USO1: variants seen among roughly 807,000 people sequenced by gnomAD.
The protein encoded by USO1 is USO1 vesicle transport factor, also known as general vesicular transport factor p115.
Under a neutral mutation model 124.5 loss-of-function variants are expected in USO1, and 57 were observed. That is an observed-to-expected ratio of 0.46 (90% confidence interval 0.37 to 0.57). USO1 has a LOEUF of 0.57. Ranked by LOEUF, USO1 falls within the 20% of genes least tolerant of loss-of-function variation. The pLI is 0.00. For synonymous variants in USO1, 369 were observed against 362.8 expected, an observed-to-expected ratio of 1.02 and a Z score of -0.19; for missense variants, 900 against 1,040.6, an observed-to-expected ratio of 0.86 and a Z score of 1.86.
chr4:75,747,366 C>T (rs543550215), intron 1 of USO1, among the ~76,000 whole-genome samples: 4 of 152,248 alleles, frequency 2.6e-5, no homozygotes, highest in Admixed American at 6.5e-5. Context: ...ACTGTAGCCT[C>T]GGACTGCTCA....
At chr4:75,786,971 C>A in intron 9 of USO1, 91 bp from the exon 10 acceptor site, 2 of 1,389,732 alleles carry the variant, frequency 1.4e-6, no homozygotes, top group Non-Finnish European at 1.9e-6. Flanking sequence ...GGGAGTACTT[C>A]ATGCAGACTT....
chr4:75,741,691 G>A (rs1211190994), intron 1 of USO1, among the ~76,000 whole-genome samples: 6 of 131,664 alleles, frequency 4.6e-5, no homozygotes, highest in East Asian at 5.0e-4. Context: ...TGCAACCTCC[G>A]CCTCCCAAGC....
rs139522207 is a variant in USO1, at chr4:75,733,359, C to G, written c.66+8474C>G. Among the ~76,000 whole-genome samples, 133 of 152,284 alleles carry G rather than the reference C, an allele frequency of 8.7e-4. 1 individual carries two copies. The highest frequency in any genetic ancestry group is 3.0e-3 in the African/African-American group (126 of 41,556). The stretch of plus-strand genomic sequence containing the variant: ...GAGACTGCTGGGTCGAATGGTAGTT[C>G]TGTTTTAAGTTCTTTGAGAGATATC... On this transcript the variant is annotated intron_variant, in intron 1 of 23. Transcript: ENST00000514213.
chr4:75,807,264 T>C (rs1723023156), intron 20 of USO1, among the ~76,000 whole-genome samples: 1 of 152,150 alleles, frequency 6.6e-6, no homozygotes, highest in African/African-American at 2.4e-5. Context: ...CTCTAGAGTA[T>C]ATTATCCCTA....
chr4:75,730,345 C>A lies in USO1; in HGVS notation c.66+5460C>A, dbSNP rs574069562. 6.2e-3 allele frequency among the ~76,000 whole-genome samples: 938 copies of A among 152,192 alleles called. 5 individuals carry two copies. Among genetic ancestry groups the A allele is most frequent in the South Asian group, 0.014 (67 of 4,826 alleles). On this transcript the variant is annotated intron_variant, in intron 1 of 23. Transcript: ENST00000514213. ...GCAACGACCACTAACAAAGAAAAAA[C>A]CTCTAGTATTTATGCAAGGTTTTGT...
intron 9 of USO1, among the ~76,000 whole-genome samples, chr4:75,783,526 A>G (rs554394326): frequency 4.6e-5 from 7 of 152,254 alleles, no homozygotes; most frequent in East Asian, 1.9e-4. Flanking sequence ...TCCTTCTCCA[A>G]ACTGTTAAGT....
At chr4:75,805,443 AC>A (rs1722968174) in intron 19 of USO1, 140 bp downstream of exon 19, 2 of 1,261,628 alleles carry the variant, frequency 1.6e-6, no homozygotes, top group African/African-American at 1.5e-5. Context: ...ACAGTGGCTT[AC>A]GCCTGTAATC....
chr4:75,789,812 G>A (rs1722475876), intron 10 of USO1, among the ~76,000 whole-genome samples: 1 of 151,358 alleles, frequency 6.6e-6, no homozygotes. Context: ...ATCTCATAGA[G>A]AATAGTATAG....
At chr4:75,777,631 C>T (rs1023608551) in intron 8 of USO1, among the ~76,000 whole-genome samples, 1 of 152,080 alleles carries the variant, frequency 6.6e-6, no homozygotes, top group African/African-American at 2.4e-5. Flanking sequence ...CAAATTAAAA[C>T]AATGAGATAT....
chr4:75,802,791 G>A (rs112693442), intron 17 of USO1, among the ~76,000 whole-genome samples: 13,131 of 127,486 alleles, frequency 0.1, 781 homozygotes, highest in Middle Eastern at 0.23. Flanking sequence ...TGCCCAGGCT[G>A]GAGTGCAGTG....
chr4:75,771,989 C>T (rs1721946272), intron 7 of USO1, among the ~76,000 whole-genome samples: 1 of 152,100 alleles, frequency 6.6e-6, no homozygotes, highest in South Asian at 2.1e-4. Flanking sequence ...TCTTTGTTAG[C>T]CATGTCTTAC....
intron 8 of USO1, 140 bp downstream of exon 8, chr4:75,774,936 C>G: frequency 7.8e-6 from 10 of 1,277,734 alleles, no homozygotes; most frequent in Non-Finnish European, 8.2e-6. Context: ...TGTTGACTAT[C>G]GATTTCTCTT....
chr4:75,739,809 CTGGGATTACAGGCGTGA>C, intron 1 of USO1, among the ~76,000 whole-genome samples: 1 of 152,172 alleles, frequency 6.6e-6, no homozygotes, highest in African/African-American at 2.4e-5. Flanking sequence ...TCCCAAAGTG[CTGGGATTACAGGCGTGA>C]GCCACCACAC....
chr4:75,804,975 A>G (rs1722952111), intron 18 of USO1, 165 bp from the exon 19 acceptor site: 3 of 810,912 alleles, frequency 3.7e-6, no homozygotes, highest in South Asian at 7.9e-5. Flanking sequence ...AAATACTATC[A>G]GTTCACTATT....
At chr4:75,725,054 C>T in intron 1 of USO1, 169 bp downstream of exon 1, 1 of 733,578 alleles carries the variant, frequency 1.4e-6, no homozygotes, top group African/African-American at 1.8e-5. Flanking sequence ...GTTATTCAAT[C>T]ACGCCCCCAG....
At chr4:75,779,221 G>A (rs1282547518) in intron 8 of USO1, among the ~76,000 whole-genome samples, 1 of 151,706 alleles carries the variant, frequency 6.6e-6, no homozygotes, top group African/African-American at 2.4e-5. Flanking sequence ...TCCCTCCCTC[G>A]GGCCTCCCTA....
At chr4:75,793,431 C>T (rs1384161843) in intron 12 of USO1, among the ~76,000 whole-genome samples, 1 of 152,084 alleles carries the variant, frequency 6.6e-6, no homozygotes, top group Non-Finnish European at 1.5e-5. Context: ...AGGCGTGAGC[C>T]ACCATGCCCA....
intron 14 of USO1, 118 bp downstream of exon 14, chr4:75,799,850 T>C (rs1722793220): frequency 8.2e-7 from 1 of 1,216,606 alleles, no homozygotes; most frequent in Non-Finnish European, 1.1e-6. Flanking sequence ...CTTATCTGTG[T>C]TGCAACTTTT....
At chr4:75,798,313 C>T (rs1197829214) in intron 13 of USO1, among the ~76,000 whole-genome samples, 1 of 152,034 alleles carries the variant, frequency 6.6e-6, no homozygotes, top group Non-Finnish European at 1.5e-5. Context: ...TTGGTACCTG[C>T]AAATGGTTAT....
Sources: gnomAD v4.1 joint callset for allele counts (sites outside exome capture counted in the v4.1 genomes callset) on GRCh38, gnomAD v4.1.1 for gene constraint, MANE v1.5 for transcripts, NCBI Gene and HGNC (gene_info 2026-07-23, HGNC 2026-07-21) for gene names.